The following C3 variants were observed in gnomAD, a reference collection of about 807,000 sequenced individuals.
C3 encodes the protein C3 and PZP-like alpha-2-macroglobulin domain-containing protein 1.
C3 carries 97 observed loss-of-function variants against 207.9 expected under a neutral mutation model. The observed-to-expected ratio is 0.47, with a 90% CI of 0.40 to 0.55. The LOEUF is 0.55. C3 is among the 20% of genes least tolerant of loss of function. C3 has a pLI of 0.00. For synonymous variants in C3, 848 were observed against 857.6 expected, an observed-to-expected ratio of 0.99 and a Z score of 0.20; for missense variants, 1,684 against 2,171.7, an observed-to-expected ratio of 0.78 and a Z score of 4.46.
chr19:6,681,072 AT>A (rs1917846229), intron 35 of C3, among the ~76,000 whole-genome samples: 1 of 152,026 alleles, frequency 6.6e-6, no homozygotes, highest in Non-Finnish European at 1.5e-5. Flanking sequence ...CTTACACAGA[AT>A]ATTTATGAAG....
intron 35 of C3, among the ~76,000 whole-genome samples, chr19:6,680,545 A>G (rs888974542): frequency 6.6e-6 from 1 of 152,180 alleles, no homozygotes; most frequent in Non-Finnish European, 1.5e-5. Context: ...AGAATGAATG[A>G]ATCCTGCAGA....
intron 7 of C3, 59 bp downstream of exon 7, chr19:6,713,933 C>T: frequency 8.9e-7 from 1 of 1,123,850 alleles, no homozygotes; most frequent in Middle Eastern, 2.4e-4. Flanking sequence ...CAGTCCCCCA[C>T]CTGGTCTTCA....
chr19:6,679,061 C>G (rs897907408), intron 38 of C3, 64 bp downstream of exon 38: 4 of 1,278,030 alleles, frequency 3.1e-6, no homozygotes, highest in Non-Finnish European at 4.6e-6. Context: ...CCACACCTAC[C>G]ACCCACCACA....
In C3 at chr19:6,684,566, C is replaced by T; in HGVS notation, c.4114G>A (p.Glu1372Lys). Residue 1372 changes from glutamate to lysine, a missense_variant, in exon 32 of 41, where the codon GAA becomes AAA. Physicochemically the swap from Glu to Lys is moderately conservative, Grantham distance 56. This residue lies in a region of C3 where 346 missense variants were observed against 380.1 expected (regional missense o/e 0.91). Coordinates refer to ENST00000245907, the MANE Select transcript of C3 (RefSeq NM_000064.4). ...DLKVTIKPAP[E>K]TEKRPQDAKN... Reference sequence around the variant, plus strand: ...AGGCCTTGATTCCTTTTACCTGTTTCCGGTGCTGGTTTTATGGTGACCTTG... The same window carrying T: ...AGGCCTTGATTCCTTTTACCTGTTTTCGGTGCTGGTTTTATGGTGACCTTG... 6.2e-7 allele frequency: 1 copy of T among 1,613,266 alleles called. No homozygotes were observed. The highest frequency in any genetic ancestry group is 8.5e-7 in the Non-Finnish European group (1 of 1,179,230).
At chr19:6,716,992 G>A (rs1282416047) in intron 4 of C3, 1 of 152,366 alleles carries the variant, frequency 6.6e-6, no homozygotes. Flanking sequence ...CCGTGCCAAG[G>A]CGCCAAGGCA....
Position 6,678,256 on chromosome 19 carries a change from G to A in C3, c.4746C>T (p.Arg1582=), listed in dbSNP as rs561663982. 207 of 1,614,096 alleles carry A rather than the reference G, an allele frequency of 1.3e-4. No homozygotes were observed. Among genetic ancestry groups the A allele is most frequent in the Non-Finnish European group, 1.7e-4 (203 of 1,180,050 alleles). Residue 1582 remains arginine (R), a synonymous_variant, in exon 40 of 41, where the codon CGC becomes CGT. Coordinates refer to ENST00000245907, the MANE Select transcript of C3 (RefSeq NM_000064.4). ...GSDEVQVGQQ[R]TFISPIKCRE... is the part of the protein sequence containing the mutation. ...TGCACTTGATGGGGCTGATGAACGT[G>A]CGCTGCTGTCCAACCTGCACCTCAT... is the stretch of plus-strand genomic sequence containing the variant.
At chr19:6,678,054 G>T (rs1463929678) in intron 40 of C3, 31 bp from the exon 41 acceptor site, 2 of 1,614,174 alleles carry the variant, frequency 1.2e-6, no homozygotes, top group East Asian at 4.5e-5. Flanking sequence ...TCAGGAAGGG[G>T]CGTGGTGTGG....
chr19:6,679,074 A>G (rs1917791221), intron 38 of C3, 51 bp downstream of exon 38: 2 of 1,418,340 alleles, frequency 1.4e-6, no homozygotes, highest in Admixed American at 3.4e-5. Context: ...CCACCACACA[A>G]TTGGACACAC....
At position 6,713,236 on chromosome 19, in the gene C3, A is replaced by G; in HGVS notation, c.956T>C (p.Leu319Pro). 1 of 1,613,608 alleles carries G rather than the reference A, an allele frequency of 6.2e-7. No individual in the cohort carries two copies. The highest frequency in any genetic ancestry group is 8.5e-7 in the Non-Finnish European group (1 of 1,179,986). Residue 319 changes from leucine (L) to proline (P), a missense_variant, in exon 9 of 41, where the codon CTG becomes CCG. By Grantham distance (98) the Leu-to-Pro change is moderately conservative. Transcript: ENST00000245907. ...DGVQNPRAED[L>P]VGKSLYVSAT... ...AGACACGTACAAAGACTTCCCCACCAGGTCTTCTGCTCGGGGGTTCTGCAC... is the reference window on the plus strand; with the variant it reads ...AGACACGTACAAAGACTTCCCCACCGGGTCTTCTGCTCGGGGGTTCTGCAC...
At chr19:6,693,261 C>G in intron 25 of C3, 151 bp downstream of exon 25, 1 of 1,063,264 alleles carries the variant, frequency 9.4e-7, no homozygotes, top group South Asian at 1.3e-5. Flanking sequence ...TAATGACCGC[C>G]GGCCACTCAG....
rs761663480 is a variant in C3 at position 6,680,250 on chromosome 19, T to C, written c.4364A>G (p.Glu1455Gly). The C allele has an allele frequency of 2.9e-5, 46 of 1,605,614 alleles. No homozygotes were observed. The highest frequency in any genetic ancestry group is 1.6e-4 in the Middle Eastern group (1 of 6,070). The stretch of plus-strand genomic sequence containing the variant: ...AACTTTGAAAGCTAGACAGTCATCC[T>C]CAGAGTGTGAGACCTGAGGGGGAAG... ...IIYLDKVSHS[E>G]DDCLAFKVHQ... Residue 1455 changes from glutamate to glycine, a missense_variant, in exon 36 of 41, where the codon GAG becomes GGG. Around this residue, in one of 3 missense-constraint regions of C3, gnomAD observed 346 missense variants for 380.1 expected, o/e 0.91. Transcript: ENST00000245907.
At chr19:6,693,332 C>CA in intron 25 of C3, 80 bp downstream of exon 25, 1 of 1,413,930 alleles carries the variant, frequency 7.1e-7, no homozygotes, top group Non-Finnish European at 9.7e-7. Context: ...CCTAAGGGAC[C>CA]ACCCCTGGCC....
At chr19:6,700,788 A>G (rs1967657715) in intron 19 of C3, among the ~76,000 whole-genome samples, 1 of 132,266 alleles carries the variant, frequency 7.6e-6, no homozygotes, top group South Asian at 2.3e-4. Flanking sequence ...GAAATATATT[A>G]TGTAATATAT....
intron 15 of C3, 105 bp from the exon 16 acceptor site, chr19:6,707,642 G>C: frequency 3.3e-6 from 5 of 1,531,026 alleles, no homozygotes; most frequent in Non-Finnish European, 4.5e-6. Flanking sequence ...GCTCCCATTT[G>C]ATGGAAGAGC....
chr19:6,697,870 T>TGCGG, intron 19 of C3, 76 bp from the exon 20 acceptor site: 1 of 1,461,650 alleles, frequency 6.8e-7, no homozygotes, highest in Non-Finnish European at 9.4e-7. Flanking sequence ...TCTCAGCTCT[T>TGCGG]AGTCCACTCC....
chr19:6,679,355 G>T, intron 37 of C3, 52 bp downstream of exon 37: 2 of 1,485,702 alleles, frequency 1.3e-6, no homozygotes, highest in Non-Finnish European at 1.9e-6. Context: ...TAGATGACCT[G>T]GGTAAGTGTG....
intron 4 of C3, chr19:6,716,721 G>T (rs1411960275): frequency 3.3e-5 from 5 of 152,196 alleles, no homozygotes; most frequent in Admixed American, 2.6e-4. Flanking sequence ...AGGGATTTAG[G>T]TTCAATAGAG....
At chr19:6,678,347 C>T in intron 39 of C3, 25 bp downstream of exon 39, 7 of 1,614,082 alleles carry the variant, frequency 4.3e-6, no homozygotes, top group Non-Finnish European at 5.9e-6. Context: ...GGAAGAGCCA[C>T]GGGAGGCAGC....
At chr19:6,684,711 G>A (rs1423843567) in intron 31 of C3, 61 bp from the exon 32 acceptor site, 3 of 1,600,328 alleles carry the variant, frequency 1.9e-6, no homozygotes, top group Non-Finnish European at 2.6e-6. Context: ...CTGGGGACAA[G>A]AGGAGATGGT....
Sources: gnomAD v4.1 joint callset for allele counts (sites outside exome capture counted in the v4.1 genomes callset) on GRCh38, gnomAD v4.1.1 for gene constraint, gnomAD v4.1.1 regional missense constraint, MANE v1.5 for transcripts, NCBI Gene and HGNC (gene_info 2026-07-23, HGNC 2026-07-21) for gene names.